Variants in PTGER4 observed in about 807,000 individuals in gnomAD.
The protein encoded by PTGER4 is prostaglandin E receptor 4.
In PTGER4, 11 loss-of-function variants were observed where a neutral mutation model predicts 33.2. The ratio of observed to expected loss-of-function variants is 0.33; its 90% CI spans 0.21 to 0.55. PTGER4 has a LOEUF of 0.55. Ranked by LOEUF, PTGER4 falls within the 20% of genes least tolerant of loss-of-function variation. PTGER4 has a pLI of 0.92. For missense variants in PTGER4, 481 were observed against 650.2 expected, an observed-to-expected ratio of 0.74 and a Z score of 2.83; for synonymous variants, 275 against 281.5, an observed-to-expected ratio of 0.98 and a Z score of 0.23.
In PTGER4 at chr5:40,693,074, C is replaced by T. The variant is rs1045328654; in HGVS notation, c.*696C>T. The T allele has an allele frequency of 9.7e-6, 9 of 923,780 alleles. No homozygotes were observed. The highest frequency in any genetic ancestry group is 1.0e-5 in the Non-Finnish European group (8 of 773,918). The allele number at this position is 923,780 out of a possible 1,614,324, so 57.2% of individuals were successfully genotyped here. A position where few individuals can be genotyped will look rare whatever the true frequency, so the allele number is the denominator to read the frequency against. ...TATCAAAGGGATAAAGAAAAAAATACTATTTAAGATGTGAAAATTACAGTC... is the reference window on the plus strand; with the variant it reads ...TATCAAAGGGATAAAGAAAAAAATATTATTTAAGATGTGAAAATTACAGTC... On this transcript the variant is annotated 3_prime_UTR_variant, in exon 3 of 3. Coordinates refer to ENST00000302472, the MANE Select transcript of PTGER4 (RefSeq NM_000958.3).
In PTGER4 at chr5:40,680,645, G is replaced by T. The variant is rs1741159781; in HGVS notation, c.-44+167G>T. Among the ~76,000 whole-genome samples the T allele has an allele frequency of 6.6e-6, 1 of 152,244 alleles. No individual in the cohort carries two copies. The highest frequency in any genetic ancestry group is 1.5e-5 in the Non-Finnish European group (1 of 68,036). On this transcript the variant is annotated intron_variant, in intron 1 of 2. Coordinates refer to ENST00000302472, the MANE Select transcript of PTGER4 (RefSeq NM_000958.3). The surrounding 1 kb of genome is among the most constrained non-coding windows in gnomAD (Gnocchi z 5.5). Reference sequence around the variant, plus strand: ...AGAATCTATCGAGAATAGCACTAGCGAGCTACTTTTCCCTTGAGATGGGTC... The same window carrying T: ...AGAATCTATCGAGAATAGCACTAGCTAGCTACTTTTCCCTTGAGATGGGTC...
downstream of PTGER4, among the ~76,000 whole-genome samples, chr5:40,694,520 T>C (rs1004973033): frequency 1.3e-5 from 2 of 152,134 alleles, no homozygotes; most frequent in Admixed American, 1.3e-4. Flanking sequence ...GTCAGCAGGG[T>C]TGGTTTCTCT....
At chr5:40,710,153 G>A in the PTGER4 span, among the ~76,000 whole-genome samples, 1 of 152,128 alleles carries the variant, frequency 6.6e-6, no homozygotes, top group Non-Finnish European at 1.5e-5. Context: ...TACAAAATGG[G>A]AGAACATTTT....
chr5:40,689,790 T>C (rs1002543672), intron 2 of PTGER4, among the ~76,000 whole-genome samples: 6 of 152,234 alleles, frequency 3.9e-5, no homozygotes, highest in African/African-American at 1.4e-4. Context: ...GTGGTTTTTA[T>C]GTATCTTCCT....
the PTGER4 span, among the ~76,000 whole-genome samples, chr5:40,720,984 A>G: frequency 7.8e-4 from 119 of 152,304 alleles, no homozygotes; most frequent in Middle Eastern, 3.4e-3. Flanking sequence ...AACCACCTAC[A>G]GGAGACCAGA....
rs751688417 is a variant in PTGER4 at position 40,683,563 on chromosome 5, C to A, written c.867+1703C>A. ...AAGTGAATGGTTGTTATTTTCAGAA[C>A]ATCCACTTAAAGGGACAGAGGAATT... On this transcript the variant is annotated intron_variant, in intron 2 of 2. Coordinates refer to ENST00000302472, the MANE Select transcript of PTGER4 (RefSeq NM_000958.3). The surrounding 1 kb of genome is among the most constrained non-coding windows in gnomAD (Gnocchi z 4.2). Among the ~76,000 whole-genome samples the A allele has an allele frequency of 1.3e-5, 2 of 152,210 alleles. No individual in the cohort carries two copies. The highest frequency in any genetic ancestry group is 2.9e-5 in the Non-Finnish European group (2 of 68,034).
chr5:40,732,714 T>A, the PTGER4 span, among the ~76,000 whole-genome samples: 3 of 152,034 alleles, frequency 2.0e-5, no homozygotes, highest in Non-Finnish European at 2.9e-5. Flanking sequence ...GTTCAAGCGA[T>A]TCTCCTGCCT....
downstream of PTGER4, among the ~76,000 whole-genome samples, chr5:40,697,030 AGAAGGAAAGAAAGGAAG>A (rs1275934949): frequency 3.3e-5 from 5 of 149,864 alleles, no homozygotes; most frequent in African/African-American, 1.2e-4. Context: ...GAGAAAACAA[AGAAGGAAAGAAAGGAAG>A]GAAGGAAAGA....
the PTGER4 span, among the ~76,000 whole-genome samples, chr5:40,746,066 T>C: frequency 5.3e-4 from 81 of 152,332 alleles, no homozygotes; most frequent in East Asian, 0.014. Flanking sequence ...TGGTATTAGA[T>C]ACAGACACAG....
chr5:40,689,209 T>G (rs1741405874), intron 2 of PTGER4, among the ~76,000 whole-genome samples: 1 of 152,168 alleles, frequency 6.6e-6, no homozygotes, highest in Non-Finnish European at 1.5e-5. Context: ...TTGCAATGAG[T>G]GTAAGTTCTC....
At chr5:40,736,307 T>C in the PTGER4 span, among the ~76,000 whole-genome samples, 1 of 152,228 alleles carries the variant, frequency 6.6e-6, no homozygotes, top group African/African-American at 2.4e-5. Context: ...GTGAGTAATC[T>C]GCAGAATGTG....
chr5:40,697,234 G>GAAAGAA (rs1391497940), downstream of PTGER4, among the ~76,000 whole-genome samples: 6 of 73,576 alleles, frequency 8.2e-5, no homozygotes, highest in African/African-American at 2.6e-4. Context: ...AGAAAAGAAA[G>GAAAGAA]AAAGAAAGAA....
intron 2 of PTGER4, among the ~76,000 whole-genome samples, chr5:40,690,826 C>T (rs1741449420): frequency 6.6e-6 from 1 of 152,116 alleles, no homozygotes; most frequent in Admixed American, 6.5e-5. Flanking sequence ...ATTACAAAAA[C>T]TTAAAAGCAC....
downstream of PTGER4, among the ~76,000 whole-genome samples, chr5:40,697,557 C>T (rs1741641041): frequency 7.0e-6 from 1 of 143,884 alleles, no homozygotes; most frequent in South Asian, 2.2e-4. Flanking sequence ...TGCACTCTAG[C>T]CTGGGCAGCG....
At chr5:40,701,331 G>A in the PTGER4 span, among the ~76,000 whole-genome samples, 423 of 152,282 alleles carry the variant, frequency 2.8e-3, 1 homozygote, top group Non-Finnish European at 4.9e-3. Context: ...GTATCAAAAC[G>A]AACCTAACAG....
the PTGER4 span, among the ~76,000 whole-genome samples, chr5:40,704,914 G>A: frequency 7.9e-5 from 12 of 152,116 alleles, no homozygotes; most frequent in Admixed American, 7.9e-4. Context: ...GCAATTTACA[G>A]ATTCAATGCT....
At chr5:40,704,398 G>A in the PTGER4 span, among the ~76,000 whole-genome samples, 635 of 152,278 alleles carry the variant, frequency 4.2e-3, 3 homozygotes, top group African/African-American at 0.015. Context: ...GGCAAAAGCT[G>A]GAAGCATTCC....
At chr5:40,720,419 T>C in the PTGER4 span, among the ~76,000 whole-genome samples, 1 of 152,196 alleles carries the variant, frequency 6.6e-6, no homozygotes, top group South Asian at 2.1e-4. Context: ...ATTATGCCTA[T>C]CTAAGTACTA....
At chr5:40,740,401 T>C in the PTGER4 span, among the ~76,000 whole-genome samples, 9 of 152,178 alleles carry the variant, frequency 5.9e-5, no homozygotes, top group South Asian at 8.3e-4. Context: ...TTCTGAAAGA[T>C]ATTTTTATAA....
Sources: gnomAD v4.1 joint callset for allele counts (sites outside exome capture counted in the v4.1 genomes callset) on GRCh38, gnomAD v4.1.1 for gene constraint, Gnocchi (gnomAD v3.1) non-coding constraint, MANE v1.5 for transcripts, NCBI Gene and HGNC (gene_info 2026-07-23, HGNC 2026-07-21) for gene names.